The following HAPSTR1 variants were observed in gnomAD, a reference collection of about 807,000 sequenced individuals.
HAPSTR1 encodes the protein HUWE1 associated protein modifying stress responses, also known as HUWE1-associated protein modifying stress responses 1.
the HAPSTR1 span, among the ~76,000 whole-genome samples, chr16:9,101,238 T>C: frequency 2.3e-3 from 345 of 152,332 alleles, 1 homozygote; most frequent in African/African-American, 7.6e-3. Flanking sequence ...AATCTTTTCC[T>C]AAAGAGATGG....
the HAPSTR1 span, among the ~76,000 whole-genome samples, chr16:9,102,511 A>G: frequency 0.013 from 2,014 of 152,356 alleles, 42 homozygotes; most frequent in African/African-American, 0.046. Context: ...GTGTTGAGCC[A>G]TCAGTCAGAA....
chr16:9,112,741 A>C, the HAPSTR1 span: 1 of 152,226 alleles, frequency 6.6e-6, no homozygotes, highest in Admixed American at 6.5e-5. Flanking sequence ...TATAACCTGG[A>C]CTGTAAGTTT....
chr16:9,107,143 A>C, the HAPSTR1 span: 2 of 152,296 alleles, frequency 1.3e-5, no homozygotes, highest in East Asian at 3.9e-4. Context: ...GTACATCTCC[A>C]AATTGTCCCA....
chr16:9,116,931 C>G, the HAPSTR1 span: 1 of 1,611,220 alleles, frequency 6.2e-7, no homozygotes, highest in Middle Eastern at 1.9e-4. Flanking sequence ...CATTTTCACA[C>G]CCACCATGCT....
the HAPSTR1 span, among the ~76,000 whole-genome samples, chr16:9,116,092 T>G: frequency 6.6e-6 from 1 of 152,192 alleles, no homozygotes; most frequent in Non-Finnish European, 1.5e-5. Context: ...TAGACTGACT[T>G]TGTACCTCAT....
At chr16:9,095,228 C>A in the HAPSTR1 span, among the ~76,000 whole-genome samples, 1 of 152,086 alleles carries the variant, frequency 6.6e-6, no homozygotes, top group Non-Finnish European at 1.5e-5. Flanking sequence ...TTATTTGATT[C>A]AAGGAGTGTG....
At chr16:9,096,703 C>A in the HAPSTR1 span, among the ~76,000 whole-genome samples, 2 of 152,140 alleles carry the variant, frequency 1.3e-5, no homozygotes, top group Admixed American at 6.5e-5. Context: ...GTTCAAAATA[C>A]CTTAGTGTGG....
At chr16:9,095,201 G>C in the HAPSTR1 span, among the ~76,000 whole-genome samples, 1 of 152,166 alleles carries the variant, frequency 6.6e-6, no homozygotes, top group Non-Finnish European at 1.5e-5. Context: ...TGTGGAATTT[G>C]ATAGTGCAAC....
the HAPSTR1 span, chr16:9,104,540 G>C: frequency 6.6e-6 from 1 of 152,190 alleles, no homozygotes; most frequent in Non-Finnish European, 1.5e-5. Flanking sequence ...TATAATACCT[G>C]TAGAGATCTT....
chr16:9,114,579 G>A, the HAPSTR1 span, among the ~76,000 whole-genome samples: 1 of 152,186 alleles, frequency 6.6e-6, no homozygotes, highest in Admixed American at 6.5e-5. Context: ...GATGTTGGTA[G>A]TCGGGATACG....
chr16:9,096,211 T>A, the HAPSTR1 span, among the ~76,000 whole-genome samples: 1 of 152,236 alleles, frequency 6.6e-6, no homozygotes, highest in Non-Finnish European at 1.5e-5. Flanking sequence ...GCTCTTAGCT[T>A]TGTGCCTGGC....
the HAPSTR1 span, chr16:9,121,195 C>G: frequency 1.3e-5 from 2 of 152,256 alleles, no homozygotes; most frequent in African/African-American, 4.8e-5. Context: ...CTTAAGTGAT[C>G]TGCCCGCCTT....
chr16:9,113,919 ACAT>A, the HAPSTR1 span, among the ~76,000 whole-genome samples: 15 of 152,198 alleles, frequency 9.9e-5, no homozygotes, highest in African/African-American at 3.6e-4. Flanking sequence ...AGGTGAATAA[ACAT>A]CAACAGTTGA....
the HAPSTR1 span, among the ~76,000 whole-genome samples, chr16:9,093,210 T>G: frequency 6.6e-6 from 1 of 152,076 alleles, no homozygotes; most frequent in Non-Finnish European, 1.5e-5. Context: ...TGGCAACGCC[T>G]GGGGACGTTT....
the HAPSTR1 span, among the ~76,000 whole-genome samples, chr16:9,097,755 C>T: frequency 6.6e-6 from 1 of 152,178 alleles, no homozygotes; most frequent in African/African-American, 2.4e-5. Flanking sequence ...GGCAGAATGG[C>T]TTGTGGCTCA....
the HAPSTR1 span, chr16:9,118,969 AT>A: frequency 6.6e-6 from 1 of 152,640 alleles, no homozygotes; most frequent in African/African-American, 2.4e-5. Flanking sequence ...GAATTGTCAA[AT>A]TTTGATAAAA....
the HAPSTR1 span, among the ~76,000 whole-genome samples, chr16:9,095,270 T>C: frequency 6.6e-6 from 1 of 152,208 alleles, no homozygotes; most frequent in Admixed American, 6.5e-5. Context: ...TCACACTTTT[T>C]CTTTTTCAGG....
chr16:9,092,892 G>GTTTTTTTTTTTTTTTTGT, the HAPSTR1 span: 14 of 1,267,412 alleles, frequency 1.1e-5, no homozygotes, highest in East Asian at 5.0e-5. Context: ...TTTCTTTTTG[G>GTTTTTTTTTTTTTTTTGT]TTTTTTTTTT....
chr16:9,104,884 T>C, the HAPSTR1 span: 1 of 152,258 alleles, frequency 6.6e-6, no homozygotes, highest in Non-Finnish European at 1.5e-5. Flanking sequence ...CAGTTGTCTC[T>C]CCTTAAGTAT....
Sources: gnomAD v4.1 joint callset for allele counts (sites outside exome capture counted in the v4.1 genomes callset) on GRCh38, gnomAD v4.1.1 for gene constraint, MANE v1.5 for transcripts, NCBI Gene and HGNC (gene_info 2026-07-23, HGNC 2026-07-21) for gene names.